Variants in AP1M2 observed in about 807,000 individuals in gnomAD.
AP1M2 encodes the protein AP-1 complex subunit mu-2.
AP1M2 carries 41 observed loss-of-function variants against 54.6 expected under a neutral mutation model. The observed-to-expected ratio is 0.75, with a 90% CI of 0.59 to 0.97. The LOEUF (loss-of-function observed/expected upper bound fraction) is 0.97, where lower values mean the gene tolerates loss of function less well. Ranked by LOEUF, AP1M2 falls within the 50% of genes least tolerant of loss-of-function variation. The pLI is 0.00. For synonymous variants in AP1M2, 219 were observed against 215.9 expected, an observed-to-expected ratio of 1.01 and a Z score of -0.13; for missense variants, 507 against 561.2, an observed-to-expected ratio of 0.90 and a Z score of 0.98.
At chr19:10,577,132 T>G (rs1455632628) in intron 9 of AP1M2, 66 bp downstream of exon 9, 1 of 1,532,734 alleles carries the variant, frequency 6.5e-7, no homozygotes, top group Non-Finnish European at 8.9e-7. Flanking sequence ...TCATGGCTCC[T>G]GGGCAGCCCC....
At chr19:10,581,139 CCGTG>C (rs1917431335) in intron 6 of AP1M2, 123 bp downstream of exon 6, 1 of 1,344,388 alleles carries the variant, frequency 7.4e-7, no homozygotes, top group African/African-American at 1.5e-5. Flanking sequence ...GCAATACTGG[CCGTG>C]ATCAGCAGAT....
intron 3 of AP1M2, among the ~76,000 whole-genome samples, chr19:10,583,389 C>A (rs957827993): frequency 5.3e-5 from 8 of 151,578 alleles, no homozygotes; most frequent in Non-Finnish European, 8.8e-5. Flanking sequence ...GGCTCCCATG[C>A]TTTGGGAGGC....
chr19:10,585,283 A>AAAGAAAGAAAGAAAGAAAGAAGG lies in AP1M2; in HGVS notation c.43-1214_43-1213insCCTTCTTTCTTTCTTTCTTTCTT, dbSNP rs1568434699. On this transcript the variant is annotated intron_variant, in intron 1 of 11. Transcript: ENST00000250244. ...AAGAAGGAAAGAAAGAAAGAAGAAA[A>AAAGAAAGAAAGAAAGAAAGAAGG]AAAGAAAGAAAGAAAGAAAGAAAGA... 1.2e-3 allele frequency among the ~76,000 whole-genome samples: 130 copies of AAAGAAAGAAAGAAAGAAAGAAGG among 104,630 alleles called. 6 individuals carry two copies. The highest frequency in any genetic ancestry group is 5.1e-3 in the African/African-American group (122 of 23,802). 68.6% of individuals were successfully genotyped at this position (104,630 alleles called of 152,430 possible).
At chr19:10,585,427 G>C (rs980971283) in intron 1 of AP1M2, among the ~76,000 whole-genome samples, 2 of 152,224 alleles carry the variant, frequency 1.3e-5, no homozygotes, top group South Asian at 4.1e-4. Flanking sequence ...GTCTGGACAC[G>C]GTGGCTCACG....
chr19:10,583,765 C>G (rs1010901830), intron 2 of AP1M2, 92 bp from the exon 3 acceptor site: 6 of 1,494,496 alleles, frequency 4.0e-6, no homozygotes, highest in Non-Finnish European at 5.5e-6. Context: ...TGCCACCACC[C>G]TCATCTCTAC....
In AP1M2 at chr19:10,577,373, C is replaced by T. The variant is rs1917274778; in HGVS notation, c.889-17G>A. ...CCCCTTGGCCTGTCAGGGGAGCGAG[C>T]ATGGGGCACGAAGAATTCGCTTGCT... On this transcript the variant is annotated splice_polypyrimidine_tract_variant and intron_variant, in intron 8 of 11. Transcript: ENST00000250244. 1 of 1,551,434 alleles carries T rather than the reference C, an allele frequency of 6.4e-7. No homozygotes were observed. Among genetic ancestry groups the T allele is most frequent in the Non-Finnish European group, 8.8e-7 (1 of 1,140,698 alleles).
Position 10,577,172 on chromosome 19 carries a change from ATCCCCCGCCAG to A in AP1M2, c.1047+15_1047+25del, listed in dbSNP as rs747594460. The A allele has an allele frequency of 6.3e-7, 1 of 1,589,978 alleles. No individual in the cohort carries two copies. The highest frequency in any genetic ancestry group is 8.6e-7 in the Non-Finnish European group (1 of 1,168,738). On this transcript the variant is annotated intron_variant, in intron 9 of 11. Transcript: ENST00000250244. ...CTACTCCAGTCCCCTCCACCCCCAGATCCCCCGCCAGTCCCTGGTACTTACCGGGAAAGACT... is the reference window on the plus strand; with the variant it reads ...CTACTCCAGTCCCCTCCACCCCCAGATCCCTGGTACTTACCGGGAAAGACT...
At chr19:10,575,162 G>A (rs1917191773) in intron 9 of AP1M2, 133 bp from the exon 10 acceptor site, 2 of 1,043,664 alleles carry the variant, frequency 1.9e-6, no homozygotes, top group Non-Finnish European at 2.5e-6. Context: ...CCTTAGCCTG[G>A]GCAACATATT....
chr19:10,581,517 G>T lies in AP1M2; in HGVS notation c.516C>A (p.Phe172Leu), dbSNP rs772524249. The T allele has an allele frequency of 6.2e-7, 1 of 1,613,940 alleles. No homozygotes were observed. Among genetic ancestry groups the T allele is most frequent in the East Asian group, 2.2e-5 (1 of 44,876 alleles). The change falls in exon 5 of 12, where the codon TTC (phenylalanine) becomes TTA (leucine). Residue 172 changes from phenylalanine to leucine, a missense_variant. By Grantham distance (22) the Phe-to-Leu change is conservative (BLOSUM62 0). Coordinates refer to ENST00000250244, the MANE Select transcript of AP1M2 (RefSeq NM_005498.5). ...EGIKYKKNEV[F>L]IDVIESVNLL... ...GGTTGACAGACTCTATGACATCAATGAAGACCTCGTTCTTCTTATACTTGA... is the reference window on the plus strand; with the variant it reads ...GGTTGACAGACTCTATGACATCAATTAAGACCTCGTTCTTCTTATACTTGA...
At position 10,572,771 on chromosome 19, in the gene AP1M2, G is replaced by C. The variant is rs775845147; in HGVS notation, c.*295C>G. On this transcript the variant is annotated 3_prime_UTR_variant, in exon 12 of 12. Coordinates refer to ENST00000250244, the MANE Select transcript of AP1M2 (RefSeq NM_005498.5). ...GGAGGGACCCGCAACACCCGCTAAG[G>C]CAGGTAATTGCAAGAAGGCACTCGC... 1.4e-5 allele frequency: 5 copies of C among 357,636 alleles called. No homozygotes were observed. Among genetic ancestry groups the C allele is most frequent in the African/African-American group, 2.1e-5 (1 of 47,844 alleles). The allele number at this position is 357,636 out of a possible 1,614,324, so 22.2% of individuals were successfully genotyped here. A position where few individuals can be genotyped will look rare whatever the true frequency, so the allele number is the denominator to read the frequency against.
intron 10 of AP1M2, 52 bp from the exon 11 acceptor site, chr19:10,574,544 G>T: frequency 6.8e-7 from 1 of 1,466,834 alleles, no homozygotes. Flanking sequence ...GAGGAGGCCA[G>T]GGCCAGGGAG....
intron 9 of AP1M2, among the ~76,000 whole-genome samples, chr19:10,576,627 GA>G (rs1369447007): frequency 3.3e-5 from 5 of 151,530 alleles, no homozygotes; most frequent in Admixed American, 3.3e-4. Flanking sequence ...TTGAACTTCT[GA>G]CCTCAGGTGA....
chr19:10,576,802 G>C (rs1265185753), intron 9 of AP1M2, among the ~76,000 whole-genome samples: 2 of 151,892 alleles, frequency 1.3e-5, no homozygotes, highest in Non-Finnish European at 2.9e-5. Context: ...TGCCTCCCGG[G>C]TTCAAGCAAT....
chr19:10,584,123 C>T (rs946381590), intron 1 of AP1M2, 53 bp from the exon 2 acceptor site: 9 of 1,572,614 alleles, frequency 5.7e-6, no homozygotes, highest in Middle Eastern at 1.7e-4. Context: ...GAACCTACCA[C>T]GCTGAGGAGG....
In AP1M2 at chr19:10,573,148, G is replaced by A. The variant is rs115485471; in HGVS notation, c.1250-60C>T. The stretch of plus-strand genomic sequence containing the variant: ...AATGGGGAGAGGGGGGCCGGGCACG[G>A]TGACTCACGCTTATAATCCCAGCAC... On this transcript the variant is annotated intron_variant, in intron 11 of 11. Transcript: ENST00000250244. The A allele has an allele frequency of 1.8e-3, 2,692 of 1,472,208 alleles. 41 individuals are homozygous for A. The African/African-American group carries it at 0.034, about 19-fold the overall frequency. The allele number at this position is 1,472,208 out of a possible 1,614,324, so 91.2% of individuals were successfully genotyped here. A position where few individuals can be genotyped will look rare whatever the true frequency, so the allele number is the denominator to read the frequency against.
rs1446294309 is a variant in AP1M2 at position 10,585,286 on chromosome 19, A to AGAAAGAAAGAAAGAAGGAAAGAAG, written c.43-1217_43-1216insCTTCTTTCCTTCTTTCTTTCTTTC. Among the ~76,000 whole-genome samples, 182 of 58,128 alleles carry AGAAAGAAAGAAAGAAGGAAAGAAG rather than the reference A, an allele frequency of 3.1e-3. 7 individuals are homozygous for AGAAAGAAAGAAAGAAGGAAAGAAG. The highest frequency in any genetic ancestry group is 0.011 in the African/African-American group (160 of 14,558). The allele number at this position is 58,128 out of a possible 152,430, so 38.1% of individuals were successfully genotyped here. On this transcript the variant is annotated intron_variant, in intron 1 of 11. Transcript: ENST00000250244. ...AAGGAAAGAAAGAAAGAAGAAAAAA[A>AGAAAGAAAGAAAGAAGGAAAGAAG]GAAAGAAAGAAAGAAAGAAAGAAAG...
At chr19:10,586,338 C>G (rs1450502700) in intron 1 of AP1M2, among the ~76,000 whole-genome samples, 5 of 146,026 alleles carry the variant, frequency 3.4e-5, no homozygotes, top group African/African-American at 1.3e-4. Context: ...ACCTGTAGTC[C>G]CAGCTACTCG....
chr19:10,580,758 G>A (rs944086244), intron 6 of AP1M2, among the ~76,000 whole-genome samples: 1 of 152,004 alleles, frequency 6.6e-6, no homozygotes, highest in Non-Finnish European at 1.5e-5. Flanking sequence ...GAGGCCAGGA[G>A]TTTAGACCAG....
At chr19:10,584,669 AAGGAAGGAAGGT>A (rs899315524) in intron 1 of AP1M2, among the ~76,000 whole-genome samples, 27 of 139,462 alleles carry the variant, frequency 1.9e-4, no homozygotes, top group African/African-American at 6.0e-4. Flanking sequence ...GGAAGGAAGG[AAGGAAGGAAGGT>A]AGGCAGGCAG....
Sources: gnomAD v4.1 joint callset for allele counts (sites outside exome capture counted in the v4.1 genomes callset) on GRCh38, gnomAD v4.1.1 for gene constraint, MANE v1.5 for transcripts, NCBI Gene and HGNC (gene_info 2026-07-23, HGNC 2026-07-21) for gene names.